The following ARHGAP32 variants were observed in gnomAD, a reference collection of about 807,000 sequenced individuals.
The protein encoded by ARHGAP32 is rho GTPase-activating protein 32.
In ARHGAP32, 51 loss-of-function variants were observed where a neutral mutation model predicts 186.5. The observed-to-expected ratio is 0.27, with a 90% CI of 0.22 to 0.35. The LOEUF (loss-of-function observed/expected upper bound fraction) is 0.35, where lower values mean the gene tolerates loss of function less well. ARHGAP32 is among the 10% of genes least tolerant of loss of function. The pLI is 1.00. For synonymous variants in ARHGAP32, 950 were observed against 964.3 expected, an observed-to-expected ratio of 0.99 and a Z score of 0.27; for missense variants, 2,186 against 2,623.5, an observed-to-expected ratio of 0.83 and a Z score of 3.64.
chr11:129,234,970 G>C (rs1048432245), intron 1 of ARHGAP32, among the ~76,000 whole-genome samples: 2 of 152,050 alleles, frequency 1.3e-5, no homozygotes. Context: ...CCTAATACCT[G>C]GACCCTGTAA....
chr11:129,060,017 G>A (rs908878880), intron 10 of ARHGAP32, among the ~76,000 whole-genome samples: 13 of 152,174 alleles, frequency 8.5e-5, no homozygotes, highest in Non-Finnish European at 1.6e-4. Context: ...TAGAAATTTC[G>A]TTTTTGTTTT....
intron 10 of ARHGAP32, among the ~76,000 whole-genome samples, chr11:129,053,454 GTCCACTATCATCA>G (rs1940134051): frequency 6.6e-6 from 1 of 152,022 alleles, no homozygotes; most frequent in Non-Finnish European, 1.5e-5. Context: ...GAACCAGATG[GTCCACTATCATCA>G]TCCACTATAG....
chr11:128,977,088 G>A (rs1945568423), intron 19 of ARHGAP32, among the ~76,000 whole-genome samples: 1 of 152,188 alleles, frequency 6.6e-6, no homozygotes, highest in African/African-American at 2.4e-5. Flanking sequence ...AGGAATGCCA[G>A]CAGCCACCAG....
At position 128,970,894 on chromosome 11, in the gene ARHGAP32, G is replaced by A. The variant is rs1325947823; in HGVS notation, c.4319C>T (p.Ala1440Val). 2 of 1,614,154 alleles carry A rather than the reference G, an allele frequency of 1.2e-6. No individual in the cohort carries two copies. The highest frequency in any genetic ancestry group is 1.6e-4 in the Middle Eastern group (1 of 6,062). The change falls in exon 23 of 23, where the codon GCC becomes GTC. Residue 1440 changes from alanine (A) to valine (V), a missense_variant. Transcript: ENST00000682385. The surrounding 1 kb of genome is among the most constrained non-coding windows in gnomAD (Gnocchi z 5.8). ...TRMMESKMIA[A>V]IHSSSADATS... is the part of the protein sequence containing the mutation. ...GGCATCTGCACTGCTGGAGTGTATG[G>A]CAGCAATCATCTTACTCTCCATCAT...
chr11:129,027,900 T>C (rs890899241), intron 11 of ARHGAP32, among the ~76,000 whole-genome samples: 2 of 152,230 alleles, frequency 1.3e-5, no homozygotes, highest in Non-Finnish European at 2.9e-5. Context: ...GCACTTAGTA[T>C]GCACTCGATA....
At chr11:128,993,052 C>T (rs948441737) in intron 12 of ARHGAP32, among the ~76,000 whole-genome samples, 1 of 152,130 alleles carries the variant, frequency 6.6e-6, no homozygotes, top group African/African-American at 2.4e-5. Context: ...TTGTCAGGCT[C>T]CTATGTGATT....
At chr11:129,006,150 C>CT (rs1236627846) in intron 11 of ARHGAP32, among the ~76,000 whole-genome samples, 1 of 152,118 alleles carries the variant, frequency 6.6e-6, no homozygotes, top group Admixed American at 6.5e-5. Flanking sequence ...CCTTGAATTT[C>CT]TTTGAGTTTC....
At chr11:129,093,108 G>T (rs1050926349) in intron 6 of ARHGAP32, among the ~76,000 whole-genome samples, 1 of 151,968 alleles carries the variant, frequency 6.6e-6, no homozygotes, top group African/African-American at 2.4e-5. Flanking sequence ...TTGTTACACC[G>T]AAGAGAAACT....
At chr11:129,092,356 T>C (rs1170504620) in intron 6 of ARHGAP32, among the ~76,000 whole-genome samples, 3 of 151,912 alleles carry the variant, frequency 2.0e-5, no homozygotes, top group Admixed American at 6.6e-5. Context: ...GTAGAGGGAT[T>C]AAGAAATTCA....
At chr11:129,132,729 T>C (rs1411072940) in intron 2 of ARHGAP32, among the ~76,000 whole-genome samples, 1 of 152,160 alleles carries the variant, frequency 6.6e-6, no homozygotes. Context: ...ATATGAGCTA[T>C]TTCCATAGGA....
At chr11:129,228,952 T>C (rs1046494970) in intron 1 of ARHGAP32, among the ~76,000 whole-genome samples, 13 of 152,186 alleles carry the variant, frequency 8.5e-5, no homozygotes, top group Non-Finnish European at 1.3e-4. Context: ...CAACCACCTA[T>C]GAAGGTACAT....
At position 129,086,020 on chromosome 11, in the gene ARHGAP32, A is replaced by AC. The variant is rs56909087; in HGVS notation, c.531+7600_531+7601insG. On this transcript the variant is annotated intron_variant, in intron 6 of 22. Coordinates refer to ENST00000682385, the MANE Select transcript of ARHGAP32 (RefSeq NM_001378024.1). ...AAAAAACAAACAAACAAACAAACAA[A>AC]AAAAAAAAACAAAAAAAAGAAGCCA... Among the ~76,000 whole-genome samples, 505 of 149,802 alleles carry AC rather than the reference A, an allele frequency of 3.4e-3. 5 individuals carry two copies. Among genetic ancestry groups the AC allele is most frequent in the African/African-American group, 0.012 (466 of 40,386 alleles).
chr11:129,136,033 A>G (rs917427141), intron 2 of ARHGAP32, among the ~76,000 whole-genome samples: 9 of 152,214 alleles, frequency 5.9e-5, no homozygotes, highest in African/African-American at 2.2e-4. Flanking sequence ...ATTCAAAAAG[A>G]TAAGTCAGAG....
intron 5 of ARHGAP32, among the ~76,000 whole-genome samples, chr11:129,116,547 G>C (rs1942375431): frequency 6.6e-6 from 1 of 152,010 alleles, no homozygotes; most frequent in Non-Finnish European, 1.5e-5. Context: ...GCCAGGGTGA[G>C]AATAAAATTA....
chr11:129,029,475 C>T (rs2134952827), intron 11 of ARHGAP32, among the ~76,000 whole-genome samples: 1 of 152,222 alleles, frequency 6.6e-6, no homozygotes, highest in East Asian at 1.9e-4. Context: ...AAGCCTCAGG[C>T]AGGTGTCTTA....
In ARHGAP32 at chr11:128,970,983, G is replaced by A. The variant is rs140367157; in HGVS notation, c.4230C>T (p.His1410=). 2.5e-6 allele frequency: 4 copies of A among 1,613,810 alleles called. No individual in the cohort carries two copies. The highest frequency in any genetic ancestry group is 2.2e-5 in the East Asian group (1 of 44,870). The stretch of plus-strand genomic sequence containing the variant: ...GCGCAGGGACAGACTCGGCGCGCAG[G>A]TGCAGCAGCGGGACCCGGGCACCGT... ...VRDGARVPLL[H]LRAESVPAHP... is the part of the protein sequence containing the mutation. Residue 1410 remains histidine, a synonymous_variant, in exon 23 of 23, where the codon CAC becomes CAT. Coordinates refer to ENST00000682385, the MANE Select transcript of ARHGAP32 (RefSeq NM_001378024.1). The surrounding 1 kb of genome is among the most constrained non-coding windows in gnomAD (Gnocchi z 5.8).
chr11:129,262,118 C>T (rs1253216877), intron 1 of ARHGAP32, among the ~76,000 whole-genome samples: 1 of 152,130 alleles, frequency 6.6e-6, no homozygotes, highest in Non-Finnish European at 1.5e-5. Flanking sequence ...ATAAACCTGG[C>T]ATGCCAGACT....
intron 11 of ARHGAP32, among the ~76,000 whole-genome samples, chr11:129,014,577 A>G (rs551595548): frequency 4.8e-4 from 73 of 152,364 alleles, no homozygotes; most frequent in Non-Finnish European, 7.6e-4. Context: ...GATTATATAC[A>G]TCAAATTTTA....
In ARHGAP32 at chr11:128,966,469, A is replaced by G. The variant is rs1220969804; in HGVS notation, c.*2438T>C. ...AAAGTTAAGGCTGTTGCTAGCATGC[A>G]TTAAATGAAGCAACTCTAGATTTGA... On this transcript the variant is annotated 3_prime_UTR_variant, in exon 23 of 23. Transcript: ENST00000682385. 1.3e-5 allele frequency: 2 copies of G among 152,230 alleles called. No homozygotes were observed. The highest frequency in any genetic ancestry group is 2.9e-5 in the Non-Finnish European group (2 of 68,038). 9.4% of individuals were successfully genotyped at this position (152,230 alleles called of 1,614,324 possible). A position where few individuals can be genotyped will look rare whatever the true frequency, so the allele number is the denominator to read the frequency against.
Sources: gnomAD v4.1 joint callset for allele counts (sites outside exome capture counted in the v4.1 genomes callset) on GRCh38, gnomAD v4.1.1 for gene constraint, Gnocchi (gnomAD v3.1) non-coding constraint, MANE v1.5 for transcripts, NCBI Gene and HGNC (gene_info 2026-07-23, HGNC 2026-07-21) for gene names.